The following SART1 variants were observed in gnomAD, a reference collection of about 807,000 sequenced individuals.
SART1 encodes the protein spliceosome associated factor 1, recruiter of U4/U6.U5 tri-snRNP, also known as U4/U6.U5 tri-snRNP-associated protein 1.
SART1 carries 28 observed loss-of-function variants against 105.0 expected under a neutral mutation model. The ratio of observed to expected loss-of-function variants is 0.27; its 90% CI spans 0.20 to 0.37. The LOEUF (loss-of-function observed/expected upper bound fraction) is 0.37, where lower values mean the gene tolerates loss of function less well. Among genes scored for constraint, SART1 ranks in the 10% least tolerant of loss-of-function variants. The pLI is 1.00. For missense variants in SART1, 894 were observed against 1,106.5 expected (o/e 0.81, Z 2.72); for synonymous variants, 472 against 462.9 (o/e 1.02, Z -0.25).
chr11:65,969,174 T>C lies in SART1; in HGVS notation c.1572+1353T>C, dbSNP rs1380921997. Among the ~76,000 whole-genome samples, 3 of 152,190 alleles carry C rather than the reference T, an allele frequency of 2.0e-5. No individual in the cohort carries two copies. In the South Asian group the frequency reaches 6.2e-4, roughly 32 times the overall value. ...GTTGAAGGGCTGGAGAGGACGTATT[T>C]GAGGTTTAAGGGCATATGGTCTCTG... On this transcript the variant is annotated intron_variant, in intron 12 of 19. Coordinates refer to ENST00000312397, the MANE Select transcript of SART1 (RefSeq NM_005146.5).
Position 65,965,003 on chromosome 11 carries a change from CT to C in SART1, c.428-88del, listed in dbSNP as rs1433716759. On this transcript the variant is annotated intron_variant, in intron 3 of 19. Coordinates refer to ENST00000312397, the MANE Select transcript of SART1 (RefSeq NM_005146.5). ...TCCTGTCCTGACCCCTTCTGGCCCC[CT>C]GAGCTGGAAGGGGGCAGGGTGAGTG... 3 of 1,478,648 alleles carry C rather than the reference CT, an allele frequency of 2.0e-6. No individual in the cohort carries two copies. The African/African-American group carries it at 4.2e-5, about 21-fold the overall frequency. 91.6% of individuals were successfully genotyped at this position (1,478,648 alleles called of 1,614,324 possible).
In SART1 at chr11:65,978,675, C is replaced by A. The variant is rs1268576757; in HGVS notation, c.2248C>A (p.Leu750Met). The A allele has an allele frequency of 6.2e-7, 1 of 1,605,280 alleles. No individual in the cohort carries two copies. Among genetic ancestry groups the A allele is most frequent in the Non-Finnish European group, 8.5e-7 (1 of 1,176,164 alleles). Reference protein sequence around the residue: ...KMKTERRMKKLDEEALLKKMS... With the variant: ...KMKTERRMKKMDEEALLKKMS... ...GAAGACAGAGCGGCGGATGAAGAAGCTGGACGAGGAGGCGGTGGGTGCCCT... is the reference window on the plus strand; with the variant it reads ...GAAGACAGAGCGGCGGATGAAGAAGATGGACGAGGAGGCGGTGGGTGCCCT... Residue 750 changes from leucine to methionine, a missense_variant, in exon 18 of 20, where the codon CTG becomes ATG. By Grantham distance (15) the Leu-to-Met change is conservative (BLOSUM62 2). Coordinates refer to ENST00000312397, the MANE Select transcript of SART1 (RefSeq NM_005146.5). The surrounding 1 kb of genome is among the most constrained non-coding windows in gnomAD (Gnocchi z 6.8).
chr11:65,977,187 C>T (rs1855500185), intron 15 of SART1, 86 bp downstream of exon 15: 3 of 961,266 alleles, frequency 3.1e-6, no homozygotes, highest in Non-Finnish European at 4.9e-6. Context: ...CCCTCTGCTG[C>T]CCCTTTCTCT....
At position 65,976,471 on chromosome 11, in the gene SART1, C is replaced by A. The variant is rs759774349; in HGVS notation, c.1649C>A (p.Ala550Asp). 1.3e-6 allele frequency: 2 copies of A among 1,573,706 alleles called. No homozygotes were observed. The highest frequency in any genetic ancestry group is 1.7e-6 in the Non-Finnish European group (2 of 1,160,826). The part of the protein sequence containing the change: ...EEDEDPERKG[A>D]IVFNATSEFC... ...GATGAGGATCCCGAGCGGAAGGGGGCCATCGTGTTCAACGCCACGTCCGAG... is the reference window on the plus strand; with the variant it reads ...GATGAGGATCCCGAGCGGAAGGGGGACATCGTGTTCAACGCCACGTCCGAG... Residue 550 changes from alanine to aspartate, a missense_variant, in exon 13 of 20, where the codon GCC (alanine) becomes GAC (aspartate). Coordinates refer to ENST00000312397, the MANE Select transcript of SART1 (RefSeq NM_005146.5). The surrounding 1 kb of genome is among the most constrained non-coding windows in gnomAD (Gnocchi z 5.1).
rs1855556698 is a variant in SART1, at chr11:65,980,056, TG to T, written c.*1029del. On this transcript the variant is annotated 3_prime_UTR_variant, in exon 20 of 20. Transcript: ENST00000312397. ...TGAACCTGGGAGACACAGGCTGCAG[TG>T]GGCCCTGATTGAGCCACCACACTGC... Among the ~76,000 whole-genome samples, 2 of 152,040 alleles carry T rather than the reference TG, an allele frequency of 1.3e-5. No homozygotes were observed. The highest frequency in any genetic ancestry group is 2.9e-5 in the Non-Finnish European group (2 of 68,004).
chr11:65,964,196 G>C (rs767971646), intron 2 of SART1, 65 bp downstream of exon 2: 2 of 1,370,770 alleles, frequency 1.5e-6, no homozygotes, highest in Admixed American at 3.4e-5. Context: ...GGCCAGCACG[G>C]GGGAGGCTTT....
chr11:65,973,729 T>TAG, intron 12 of SART1, among the ~76,000 whole-genome samples: 1 of 152,172 alleles, frequency 6.6e-6, no homozygotes. Context: ...CTCAGTGGGC[T>TAG]AGAGAGCCAG....
intron 1 of SART1, among the ~76,000 whole-genome samples, chr11:65,963,822 G>A (rs1196480857): frequency 6.6e-6 from 1 of 152,208 alleles, no homozygotes; most frequent in Admixed American, 6.5e-5. Context: ...GTAGAGGGCA[G>A]AGTGGTGACT....
rs752378401 is a variant in SART1, at chr11:65,965,168, G to C, written c.504G>C (p.Arg168=). ...PMALRQREEL[R]EKLAAAKEKR... is the part of the protein sequence containing the mutation. ...CCTTGCGACAGCGAGAGGAGCTGCG[G>C]GAGAAGCTGGCGGCTGCCAAGGAGA... Residue 168 remains arginine, a synonymous_variant, in exon 4 of 20, where the codon CGG becomes CGC. Coordinates refer to ENST00000312397, the MANE Select transcript of SART1 (RefSeq NM_005146.5). 1.6e-5 allele frequency: 26 copies of C among 1,606,630 alleles called. No homozygotes were observed. The highest frequency in any genetic ancestry group is 2.2e-5 in the Non-Finnish European group (26 of 1,178,348).
At position 65,976,932 on chromosome 11, in the gene SART1, G is replaced by T. The variant is rs1855492516; in HGVS notation, c.1858-82G>T. 1.6e-6 allele frequency: 2 copies of T among 1,265,050 alleles called. No homozygotes were observed. 78.4% of individuals were successfully genotyped at this position (1,265,050 alleles called of 1,614,324 possible). A position where few individuals can be genotyped will look rare whatever the true frequency, so the allele number is the denominator to read the frequency against. Reference sequence around the variant, plus strand: ...GGAAATTAAATGTTGTGGAGGGCTGGTGCCTGGCAGGTGGTGACCAGTGGG... The same window carrying T: ...GGAAATTAAATGTTGTGGAGGGCTGTTGCCTGGCAGGTGGTGACCAGTGGG... On this transcript the variant is annotated intron_variant, in intron 14 of 19. Transcript: ENST00000312397. This position sits in a 1 kb window ranked among gnomAD's most constrained non-coding sequence, Gnocchi z 5.1.
chr11:65,970,629 TC>T (rs982064047), intron 12 of SART1, among the ~76,000 whole-genome samples: 1 of 148,748 alleles, frequency 6.7e-6, no homozygotes, highest in African/African-American at 2.5e-5. Flanking sequence ...CTGGTGTTTT[TC>T]CAGTGAAGAG....
Position 65,961,751 on chromosome 11 carries a change from G to A in SART1, c.-30G>A, listed in dbSNP as rs779286167. On this transcript the variant is annotated 5_prime_UTR_variant, in exon 1 of 20. Coordinates refer to ENST00000312397, the MANE Select transcript of SART1 (RefSeq NM_005146.5). ...CCATTTTGCGTTGTCTGGGCTCGGC[G>A]GCAGCCGGGCTCGGAGTGGACGTGC... 6 of 1,467,764 alleles carry A rather than the reference G, an allele frequency of 4.1e-6. No individual in the cohort carries two copies. Among genetic ancestry groups the A allele is most frequent in the Non-Finnish European group, 5.4e-6 (6 of 1,114,708 alleles). 90.9% of individuals were successfully genotyped at this position (1,467,764 alleles called of 1,614,324 possible).
intron 4 of SART1, 49 bp downstream of exon 4, chr11:65,965,267 C>G: frequency 3.7e-6 from 6 of 1,607,336 alleles, no homozygotes; most frequent in Non-Finnish European, 5.1e-6. Context: ...GGGAGGCCAC[C>G]ATCCTTGGCT....
chr11:65,965,162 G>A lies in SART1; in HGVS notation c.498G>A (p.Glu166=). Residue 166 remains glutamate, a synonymous_variant, in exon 4 of 20, where the codon GAG becomes GAA. Coordinates refer to ENST00000312397, the MANE Select transcript of SART1 (RefSeq NM_005146.5). ...CTATGGCCTTGCGACAGCGAGAGGA[G>A]CTGCGGGAGAAGCTGGCGGCTGCCA... is the stretch of plus-strand genomic sequence containing the variant. ...INPMALRQRE[E]LREKLAAAKE... is the part of the protein sequence containing the mutation. 3.7e-6 allele frequency: 6 copies of A among 1,605,764 alleles called. No individual in the cohort carries two copies. Among genetic ancestry groups the A allele is most frequent in the Non-Finnish European group, 5.1e-6 (6 of 1,178,148 alleles).
At position 65,972,785 on chromosome 11, in the gene SART1, C is replaced by CA. The variant is rs563046172; in HGVS notation, c.1573-3595dup. ...TGGGTGATAGAACAAGATCCTGTCT[C>CA]AAAAAAAAAAAAAAACCAAGAAACC... is the stretch of plus-strand genomic sequence containing the variant. On this transcript the variant is annotated intron_variant, in intron 12 of 19. Transcript: ENST00000312397. 9.2e-3 allele frequency among the ~76,000 whole-genome samples: 971 copies of CA among 105,844 alleles called. 7 individuals are homozygous for CA. Among genetic ancestry groups the CA allele is most frequent in the Non-Finnish European group, 8.2e-3 (417 of 50,682 alleles). 69.4% of individuals were successfully genotyped at this position (105,844 alleles called of 152,430 possible).
At chr11:65,964,197 G>C in intron 2 of SART1, 66 bp downstream of exon 2, 1 of 1,366,284 alleles carries the variant, frequency 7.3e-7, no homozygotes, top group Non-Finnish European at 1.0e-6. Flanking sequence ...GCCAGCACGG[G>C]GGAGGCTTTC....
At position 65,977,543 on chromosome 11, in the gene SART1, C is replaced by CA; in HGVS notation, c.1946-19dup. ...GTGGCTCTCGAGGGGTTGGGAGTCT[C>CA]ACAACCCCTCCATCCCTAGGGCTGC... On this transcript the variant is annotated intron_variant, in intron 15 of 19. Coordinates refer to ENST00000312397, the MANE Select transcript of SART1 (RefSeq NM_005146.5). 1 of 1,611,214 alleles carries CA rather than the reference C, an allele frequency of 6.2e-7. No homozygotes were observed. The highest frequency in any genetic ancestry group is 1.1e-5 in the South Asian group (1 of 91,016).
At chr11:65,972,904 G>A (rs888914771) in intron 12 of SART1, among the ~76,000 whole-genome samples, 6 of 152,282 alleles carry the variant, frequency 3.9e-5, no homozygotes, top group South Asian at 2.1e-4. Flanking sequence ...GGGCGCGATG[G>A]CTCACGCCTG....
intron 12 of SART1, among the ~76,000 whole-genome samples, chr11:65,969,681 C>G (rs911906692): frequency 3.3e-5 from 5 of 152,182 alleles, no homozygotes; most frequent in South Asian, 2.1e-4. Context: ...TCCCAAAGTG[C>G]TGGGGTTACA....
Sources: gnomAD v4.1 joint callset for allele counts (sites outside exome capture counted in the v4.1 genomes callset) on GRCh38, gnomAD v4.1.1 for gene constraint, Gnocchi (gnomAD v3.1) non-coding constraint, MANE v1.5 for transcripts, NCBI Gene and HGNC (gene_info 2026-07-23, HGNC 2026-07-21) for gene names.